Variants in PIGL observed in about 807,000 individuals in gnomAD.
PIGL encodes the protein phosphatidylinositol glycan anchor biosynthesis class L.
In PIGL, 22 loss-of-function variants were observed where a neutral mutation model predicts 31.1. That is an observed-to-expected ratio of 0.71 (90% CI 0.51 to 1.01). The LOEUF is 1.01. PIGL is among the 50% of genes least tolerant of loss of function. PIGL has a pLI of 0.00. For synonymous variants in PIGL, 131 were observed against 117.4 expected (o/e 1.12, Z -0.75); for missense variants, 302 against 315.9 (o/e 0.96, Z 0.33).
intron 2 of PIGL, among the ~76,000 whole-genome samples, chr17:16,293,652 T>G (rs1234225422): frequency 1.3e-5 from 2 of 152,350 alleles, no homozygotes; most frequent in African/African-American, 4.8e-5. Flanking sequence ...CTAGTGCTTG[T>G]TAAACCCCCT....
intron 3 of PIGL, among the ~76,000 whole-genome samples, chr17:16,307,079 A>G (rs1321353591): frequency 6.6e-6 from 1 of 152,196 alleles, no homozygotes; most frequent in African/African-American, 2.4e-5. Flanking sequence ...CGGTTTTAAC[A>G]AAGGAGGCCA....
intron 6 of PIGL, among the ~76,000 whole-genome samples, chr17:16,320,231 A>AC (rs2093097788): frequency 1.6e-4 from 18 of 111,138 alleles, no homozygotes; most frequent in African/African-American, 6.9e-4. Context: ...GGAAGGAAGG[A>AC]AGGAAGGAAG....
At chr17:16,319,076 T>C (rs565962450) in intron 6 of PIGL, among the ~76,000 whole-genome samples, 35 of 151,234 alleles carry the variant, frequency 2.3e-4, no homozygotes, top group African/African-American at 8.2e-4. Context: ...TACAGAAAAA[T>C]TAGCCAGGCA....
At chr17:16,297,611 C>T (rs755738147) in intron 2 of PIGL, among the ~76,000 whole-genome samples, 1 of 152,168 alleles carries the variant, frequency 6.6e-6, no homozygotes, top group African/African-American at 2.4e-5. Context: ...CCTTCAGCTG[C>T]GTGAGCTCAG....
intron 2 of PIGL, among the ~76,000 whole-genome samples, chr17:16,246,584 C>G (rs2092748268): frequency 6.6e-6 from 1 of 151,614 alleles, no homozygotes; most frequent in Non-Finnish European, 1.5e-5. Context: ...TGCTTGGGCT[C>G]CCTTAACAAA....
intron 2 of PIGL, among the ~76,000 whole-genome samples, chr17:16,240,554 A>G (rs1285088188): frequency 1.3e-5 from 2 of 152,022 alleles, no homozygotes; most frequent in Admixed American, 1.3e-4. Flanking sequence ...CCCAGGATGA[A>G]TGCAGTGACA....
rs1064794861 is a variant in PIGL at position 16,325,860 on chromosome 17, TC to T, written c.724del (p.Arg242GlyfsTer3). On this transcript the variant is annotated frameshift_variant, in exon 7 of 7. Coordinates refer to ENST00000225609, the MANE Select transcript of PIGL (RefSeq NM_004278.4). LOFTEE classifies it high-confidence loss of function. ...GTTCCGCCGCCTCTACATTATCTTC[TC>T]CCGGTACATGAGAATCAACTCACTG... The part of the protein sequence containing the change: ...LWFRRLYIIF[S>X]RYMRINSLSF... 1.9e-6 allele frequency: 3 copies of T among 1,613,970 alleles called. No homozygotes were observed. Among genetic ancestry groups the T allele is most frequent in the Non-Finnish European group, 1.7e-6 (2 of 1,179,878 alleles).
At position 16,316,709 on chromosome 17, in the gene PIGL, A is replaced by T. The variant is rs370561730; in HGVS notation, c.523A>T (p.Lys175Ter). ...CCTGCACTCAGAAGGGAAGTTACCT[A>T]AAGGTAAGGCTTGTTCCTTTTGCAA... ...RALHSEGKLPKGCSVLTLQSV... is the reference protein window; with the variant it reads ...RALHSEGKLP The change falls in exon 5 of 7, where the codon AAA (lysine) becomes TAA (stop). Residue 175 changes from lysine (K) to a stop codon, truncating the protein, a stop_gained. Coordinates refer to ENST00000225609, the MANE Select transcript of PIGL (RefSeq NM_004278.4). LOFTEE classifies it high-confidence loss of function. 6.2e-7 allele frequency: 1 copy of T among 1,608,788 alleles called. No homozygotes were observed. Among genetic ancestry groups the T allele is most frequent in the African/African-American group, 1.3e-5 (1 of 74,854 alleles).
At chr17:16,232,827 C>G (rs2092684479) in intron 1 of PIGL, among the ~76,000 whole-genome samples, 1 of 150,708 alleles carries the variant, frequency 6.6e-6, no homozygotes, top group African/African-American at 2.4e-5. Flanking sequence ...AACCTGTAAA[C>G]TAAACCTGTT....
At position 16,287,137 on chromosome 17, in the gene PIGL, C is replaced by T. The variant is rs545039773; in HGVS notation, c.336-12751C>T. 1.9e-4 allele frequency among the ~76,000 whole-genome samples: 29 copies of T among 152,330 alleles called. No individual in the cohort carries two copies. In the South Asian group the frequency reaches 4.6e-3, roughly 24 times the overall value. On this transcript the variant is annotated intron_variant, in intron 2 of 6. Transcript: ENST00000225609. ...TCCAGATGCCTTTCTCCAGCCATGG[C>T]TGCGCAGGCACCGAGAAGCCGCAGG...
intron 1 of PIGL, among the ~76,000 whole-genome samples, chr17:16,223,709 A>G (rs1259628601): frequency 2.0e-5 from 3 of 151,544 alleles, no homozygotes; most frequent in Admixed American, 6.6e-5. Context: ...GTGAGACCCC[A>G]TCTATTTAAA....
chr17:16,265,740 T>TAA (rs887577166), intron 2 of PIGL, among the ~76,000 whole-genome samples: 8 of 143,380 alleles, frequency 5.6e-5, no homozygotes, highest in African/African-American at 2.0e-4. Context: ...GACTCCGTAT[T>TAA]AAAAAAAAAA....
intron 2 of PIGL, among the ~76,000 whole-genome samples, chr17:16,279,359 G>A (rs937894174): frequency 6.6e-6 from 1 of 152,184 alleles, no homozygotes; most frequent in Non-Finnish European, 1.5e-5. Flanking sequence ...TATTTTAGAT[G>A]CCAGTTCATT....
At chr17:16,222,794 G>T (rs745886869) in intron 1 of PIGL, among the ~76,000 whole-genome samples, 1 of 150,920 alleles carries the variant, frequency 6.6e-6, no homozygotes, top group African/African-American at 2.4e-5. Flanking sequence ...GGTGCATCAC[G>T]TGAGGTCAGG....
At chr17:16,290,565 T>A (rs1342272902) in intron 2 of PIGL, among the ~76,000 whole-genome samples, 1 of 152,098 alleles carries the variant, frequency 6.6e-6, no homozygotes, top group Non-Finnish European at 1.5e-5. Flanking sequence ...GCTAATTTTT[T>A]AAATTTATTT....
chr17:16,304,401 T>C (rs1427050990), intron 3 of PIGL, among the ~76,000 whole-genome samples: 1 of 152,162 alleles, frequency 6.6e-6, no homozygotes, highest in Non-Finnish European at 1.5e-5. Context: ...TGGTCCCAGC[T>C]CTGTAGTACT....
intron 1 of PIGL, 167 bp downstream of exon 1, chr17:16,217,628 T>TC: frequency 1.8e-6 from 1 of 541,880 alleles, no homozygotes; most frequent in Admixed American, 3.5e-5. Flanking sequence ...GCGGCCGGCT[T>TC]ACCTGGTGGG....
intron 2 of PIGL, among the ~76,000 whole-genome samples, chr17:16,240,571 C>T (rs2092718352): frequency 6.6e-6 from 1 of 152,002 alleles, no homozygotes; most frequent in African/African-American, 2.4e-5. Context: ...GACACAATCA[C>T]GGCTCACTGC....
At chr17:16,281,690 C>G (rs2092917109) in intron 2 of PIGL, among the ~76,000 whole-genome samples, 1 of 152,172 alleles carries the variant, frequency 6.6e-6, no homozygotes, top group Non-Finnish European at 1.5e-5. Context: ...AGTTCCTTGC[C>G]TACATCTAAG....
Sources: allele counts gnomAD v4.1 joint callset (sites outside exome capture counted in the v4.1 genomes callset), GRCh38; gene constraint gnomAD v4.1.1; transcripts MANE v1.5; gene names NCBI Gene and HGNC (gene_info 2026-07-23, HGNC 2026-07-21).